Variants in FOXN3 observed in about 807,000 individuals in gnomAD.
The protein encoded by FOXN3 is forkhead box protein N3.
FOXN3 carries 7 observed loss-of-function variants against 38.4 expected under a neutral mutation model. The observed-to-expected ratio is 0.18, with a 90% CI of 0.10 to 0.34. The LOEUF (loss-of-function observed/expected upper bound fraction) is 0.34, where lower values mean the gene tolerates loss of function less well. Ranked by LOEUF, FOXN3 falls within the 10% of genes least tolerant of loss-of-function variation. The probability of loss-of-function intolerance (pLI) is 1.00; values close to 1 mark genes in which losing one functional copy is unlikely to be tolerated. For synonymous variants in FOXN3, 230 were observed against 242.2 expected (o/e 0.95, Z 0.47); for missense variants, 456 against 613.4 (o/e 0.74, Z 2.71).
rs568098093 is a variant in FOXN3 at position 89,190,564 on chromosome 14, C to A, written c.746-9758G>T. 9.5e-6 allele frequency: 7 copies of A among 738,268 alleles called. No individual in the cohort carries two copies. The East Asian group carries it at 2.0e-4, about 21-fold the overall frequency. The allele number at this position is 738,268 out of a possible 1,614,324, so 45.7% of individuals were successfully genotyped here. ...CAACAGAGAAAAAAAAAATATCCAG[C>A]AACTGGATGAGCTATCCCAAAGGCG... On this transcript the variant is annotated intron_variant, in intron 4 of 5. Transcript: ENST00000557258.
chr14:89,455,924 G>C (rs1034326449), intron 1 of FOXN3, among the ~76,000 whole-genome samples: 1 of 152,140 alleles, frequency 6.6e-6, no homozygotes, highest in Non-Finnish European at 1.5e-5. Context: ...GGCCAGGCGC[G>C]GTGGCTCATG....
chr14:89,341,624 T>C (rs1888617734), intron 3 of FOXN3, among the ~76,000 whole-genome samples: 1 of 152,178 alleles, frequency 6.6e-6, no homozygotes, highest in Admixed American at 6.5e-5. Flanking sequence ...ATCAAAAATA[T>C]TCTATGAGAC....
intron 2 of FOXN3, among the ~76,000 whole-genome samples, chr14:89,396,007 A>G (rs1014841697): frequency 1.3e-5 from 2 of 152,170 alleles, no homozygotes; most frequent in African/African-American, 4.8e-5. Context: ...ACCAGGAAGG[A>G]TCTGTGTGGA....
intron 3 of FOXN3, among the ~76,000 whole-genome samples, chr14:89,334,868 A>G (rs1037042054): frequency 2.0e-5 from 3 of 151,958 alleles, no homozygotes; most frequent in African/African-American, 7.3e-5. Context: ...CGCAGGTTCA[A>G]GCAATTCCCT....
chr14:89,266,373 C>T (rs759375570), intron 4 of FOXN3, among the ~76,000 whole-genome samples: 5 of 152,108 alleles, frequency 3.3e-5, no homozygotes, highest in Non-Finnish European at 7.3e-5. Context: ...ATAAAAACTC[C>T]TCCTTTATGT....
chr14:89,565,539 C>T (rs1278105943), intron 1 of FOXN3, among the ~76,000 whole-genome samples: 1 of 152,144 alleles, frequency 6.6e-6, no homozygotes, highest in Non-Finnish European at 1.5e-5. Flanking sequence ...CTGGGCCCGC[C>T]GTCCTCATCT....
intron 5 of FOXN3, among the ~76,000 whole-genome samples, chr14:89,176,969 A>G (rs1351891502): frequency 6.6e-6 from 1 of 151,510 alleles, no homozygotes; most frequent in African/African-American, 2.4e-5. Flanking sequence ...GCTAATGCAC[A>G]ATGGTTTTCT....
intron 3 of FOXN3, among the ~76,000 whole-genome samples, chr14:89,286,188 T>G (rs1596154612): frequency 6.8e-5 from 9 of 132,200 alleles, no homozygotes; most frequent in Admixed American, 1.6e-4. Context: ...GGGAGAGGAG[T>G]AGGGAGGGAA....
intron 1 of FOXN3, among the ~76,000 whole-genome samples, chr14:89,595,541 T>C (rs7141584): frequency 0.028 from 4,272 of 152,306 alleles, 185 homozygotes; most frequent in African/African-American, 0.098. Context: ...TCATATTTAC[T>C]TCATATGCAA....
chr14:89,197,276 G>C (rs1402508131), intron 4 of FOXN3, among the ~76,000 whole-genome samples: 3 of 152,204 alleles, frequency 2.0e-5, no homozygotes, highest in Admixed American at 2.0e-4. Flanking sequence ...GGGAGGCCAA[G>C]GTGGCAGATT....
At chr14:89,561,842 A>C (rs1895255801) in intron 1 of FOXN3, among the ~76,000 whole-genome samples, 1 of 152,230 alleles carries the variant, frequency 6.6e-6, no homozygotes, top group African/African-American at 2.4e-5. Flanking sequence ...ACTACTCCTA[A>C]ATAAACATCA....
At chr14:89,284,437 A>C (rs1425894294) in intron 3 of FOXN3, 9 of 455,934 alleles carry the variant, frequency 2.0e-5, no homozygotes, top group Non-Finnish European at 4.0e-5. Flanking sequence ...CCATAGAGAC[A>C]CACGCATCAA....
intron 4 of FOXN3, among the ~76,000 whole-genome samples, chr14:89,238,067 A>AGTTGCTCTT (rs1295370898): frequency 2.0e-5 from 3 of 152,222 alleles, no homozygotes; most frequent in Non-Finnish European, 4.4e-5. Context: ...TCCTCTAAGG[A>AGTTGCTCTT]GTTGCTCTTC....
At chr14:89,235,672 G>A (rs1178921031) in intron 4 of FOXN3, among the ~76,000 whole-genome samples, 1 of 152,196 alleles carries the variant, frequency 6.6e-6, no homozygotes, top group Admixed American at 6.5e-5. Flanking sequence ...AGATAGTCCA[G>A]GTGGGCCCAG....
chr14:89,211,077 T>C (rs1364320574), intron 4 of FOXN3, among the ~76,000 whole-genome samples: 1 of 152,220 alleles, frequency 6.6e-6, no homozygotes, highest in African/African-American at 2.4e-5. Context: ...AAGATGTTAA[T>C]TCATCCAATT....
rs143144908 is a variant in FOXN3 at position 89,290,522 on chromosome 14, C to T, written c.681-9508G>A. 2.4e-3 allele frequency: 1,226 copies of T among 520,736 alleles called. 1 individual carries two copies. Among genetic ancestry groups the T allele is most frequent in the Non-Finnish European group, 3.7e-3 (990 of 265,722 alleles). The allele number at this position is 520,736 out of a possible 1,614,324, so 32.3% of individuals were successfully genotyped here. ...GAATGGAGTTTACTTTCCCTTTCAT[C>T]GGGAGAGCTGATTTTTCACAATTGA... On this transcript the variant is annotated intron_variant, in intron 3 of 5. Coordinates refer to ENST00000557258, the MANE Select transcript of FOXN3 (RefSeq NM_005197.4).
chr14:89,372,655 A>ATTT (rs1388629595), intron 2 of FOXN3, among the ~76,000 whole-genome samples: 6 of 152,140 alleles, frequency 3.9e-5, no homozygotes, highest in Admixed American at 1.3e-4. Flanking sequence ...GGTCAGGGTA[A>ATTT]CCCACAGGAA....
chr14:89,538,765 G>A lies in FOXN3; in HGVS notation c.-15+80263C>T, dbSNP rs1050990862. ...ACTCCCGACCTCAGGTGATCCGCCCGCCTCAGCCTCCCAAAAGAGCTGGAA... is the reference window on the plus strand; with the variant it reads ...ACTCCCGACCTCAGGTGATCCGCCCACCTCAGCCTCCCAAAAGAGCTGGAA... On this transcript the variant is annotated intron_variant, in intron 1 of 6. Transcript: ENST00000345097. 4.6e-5 allele frequency among the ~76,000 whole-genome samples: 7 copies of A among 152,060 alleles called. No individual in the cohort carries two copies. In the East Asian group the frequency reaches 7.7e-4, roughly 17 times the overall value.
Position 89,164,152 on chromosome 14 carries a change from A to T in FOXN3, c.852-1183T>A, listed in dbSNP as rs1025726821. 6.6e-6 allele frequency among the ~76,000 whole-genome samples: 1 copy of T among 152,144 alleles called. No individual in the cohort carries two copies. The highest frequency in any genetic ancestry group is 2.1e-4 in the South Asian group (1 of 4,822). On this transcript the variant is annotated intron_variant, in intron 5 of 5. Transcript: ENST00000557258. This position sits in a 1 kb window ranked among gnomAD's most constrained non-coding sequence, Gnocchi z 4.3. ...GCTGTGAAGCTTATTCCTGGTTAGG[A>T]CCCATGCTCCTTATGTCTGGGAGGC... is the stretch of plus-strand genomic sequence containing the variant.
Sources: allele counts gnomAD v4.1 joint callset (sites outside exome capture counted in the v4.1 genomes callset), GRCh38; gene constraint gnomAD v4.1.1; non-coding constraint Gnocchi (gnomAD v3.1); transcripts MANE v1.5; gene names NCBI Gene and HGNC (gene_info 2026-07-23, HGNC 2026-07-21).